H4C15: variants seen among roughly 807,000 people sequenced by gnomAD.
The protein encoded by H4C15 is H4 clustered histone 15, also known as histone H4.
At chr1:149,848,926 T>G in the H4C15 span, 1 of 152,162 alleles carries the variant, frequency 6.6e-6, no homozygotes, top group Admixed American at 6.6e-5. Flanking sequence ...AAGACAGGCT[T>G]GTGTTGTCTT....
At chr1:149,850,459 C>G, downstream of H4C15, 2 of 1,043,020 alleles carry the variant, frequency 1.9e-6, no homozygotes, top group Non-Finnish European at 2.9e-6. Context: ...TTGGCCAGCT[C>G]GCCGGGCAGC....
chr1:149,848,483 A>G, the H4C15 span: 1 of 152,340 alleles, frequency 6.6e-6, no homozygotes, highest in South Asian at 2.1e-4. Context: ...TTGCCTTCAT[A>G]CCTAAAGACA....
chr1:149,850,588 G>T (rs1358355038), downstream of H4C15: 37 of 600,784 alleles, frequency 6.2e-5, no homozygotes, highest in African/African-American at 8.7e-4. Context: ...AGGAGTTCAT[G>T]ATGCCCATGG....
chr1:149,847,228 C>G, the H4C15 span: 1 of 152,200 alleles, frequency 6.6e-6, no homozygotes, highest in African/African-American at 2.4e-5. Flanking sequence ...GGCATAATCT[C>G]TCAATCTCAG....
downstream of H4C15, chr1:149,850,093 C>A (rs2092167776): frequency 2.0e-5 from 9 of 451,452 alleles, no homozygotes; most frequent in South Asian, 1.9e-4. Context: ...TCAAGAGCAG[C>A]CCTCTAAGGC....
downstream of H4C15, among the ~76,000 whole-genome samples, chr1:149,858,557 C>T (rs2092188813): frequency 1.1e-4 from 1 of 8,918 alleles, no homozygotes; most frequent in South Asian, 6.8e-3. Context: ...GATCGTGCCA[C>T]TGCATTCCAG....
At chr1:149,849,487 G>C (rs1336575015), downstream of H4C15, among the ~76,000 whole-genome samples, 5 of 152,148 alleles carry the variant, frequency 3.3e-5, no homozygotes, top group Non-Finnish European at 7.4e-5. Context: ...GGTTAATGAG[G>C]CTGTGTGATT....
At chr1:149,855,467 C>T (rs2092182782), downstream of H4C15, among the ~76,000 whole-genome samples, 1 of 134,188 alleles carries the variant, frequency 7.5e-6, no homozygotes, top group Non-Finnish European at 1.6e-5. Context: ...CACGTTTACA[C>T]TGATTTTTCT....
At chr1:149,847,024 G>T in the H4C15 span, 3 of 152,192 alleles carry the variant, frequency 2.0e-5, no homozygotes, top group Non-Finnish European at 1.5e-5. Context: ...CCTTAAGGGA[G>T]GGTCTATTTC....
chr1:149,846,560 T>C, the H4C15 span: 1 of 152,110 alleles, frequency 6.6e-6, no homozygotes. Flanking sequence ...TACAGAAAAG[T>C]TGGAAAAAAA....
the H4C15 span, chr1:149,846,574 A>G: frequency 9.2e-5 from 14 of 152,326 alleles, no homozygotes; most frequent in East Asian, 2.5e-3. Flanking sequence ...AAAAAAAAGT[A>G]CAAAGACCAG....
the H4C15 span, chr1:149,845,896 T>C: frequency 2.0e-5 from 3 of 152,142 alleles, no homozygotes; most frequent in Admixed American, 2.0e-4. Context: ...TTTGCTGATA[T>C]GAGTAAGGAG....
At chr1:149,850,438 A>T, downstream of H4C15, 1 of 1,185,178 alleles carries the variant, frequency 8.4e-7, no homozygotes, top group Non-Finnish European at 1.2e-6. Context: ...GTGCCCTCGG[A>T]CACGGCGTGC....
At chr1:149,855,384 G>GGTGTGT (rs1162535434), downstream of H4C15, among the ~76,000 whole-genome samples, 17,394 of 138,444 alleles carry the variant, frequency 0.13, 773 homozygotes, top group Non-Finnish European at 0.15. Flanking sequence ...GTGGGGGACA[G>GGTGTGT]GTGTGTGTGT....
chr1:149,847,758 T>TGATCTTGGCAGTGG, the H4C15 span: 1 of 152,192 alleles, frequency 6.6e-6, no homozygotes, highest in South Asian at 2.1e-4. Context: ...TAAGCCAAGA[T>TGATCTTGGCAGTGG]CATGCCACTG....
chr1:149,850,267 A>G, downstream of H4C15: 1 of 1,287,660 alleles, frequency 7.8e-7, no homozygotes, highest in Non-Finnish European at 1.1e-6. Flanking sequence ...GGGACTGACA[A>G]CACAAGAAAG....
the H4C15 span, chr1:149,844,937 G>A: frequency 6.6e-6 from 1 of 152,222 alleles, no homozygotes; most frequent in African/African-American, 2.4e-5. Context: ...GGAGGTAGGG[G>A]TGAGACAGAA....
chr1:149,848,965 T>C, the H4C15 span: 1 of 152,162 alleles, frequency 6.6e-6, no homozygotes, highest in African/African-American at 2.4e-5. Flanking sequence ...TCTCTCAAAC[T>C]GTCAACTGCA....
At chr1:149,847,799 C>G in the H4C15 span, 2 of 152,226 alleles carry the variant, frequency 1.3e-5, no homozygotes, top group Non-Finnish European at 2.9e-5. Context: ...GAGTGAAACT[C>G]CATCTCAAGA....
Sources: gnomAD v4.1 joint callset for allele counts (sites outside exome capture counted in the v4.1 genomes callset) on GRCh38, gnomAD v4.1.1 for gene constraint, MANE v1.5 for transcripts, NCBI Gene and HGNC (gene_info 2026-07-23, HGNC 2026-07-21) for gene names.